SUV39H2: variants seen among roughly 807,000 people sequenced by gnomAD.
SUV39H2 encodes the protein histone-lysine N-methyltransferase SUV39H2.
In SUV39H2, 10 loss-of-function variants were observed where a neutral mutation model predicts 47.5. The observed-to-expected ratio is 0.21, with a 90% CI of 0.13 to 0.36. SUV39H2 has a LOEUF of 0.36. SUV39H2 is among the 10% of genes least tolerant of loss of function. The pLI is 1.00. For missense variants in SUV39H2, 266 were observed against 487.4 expected (o/e 0.55, Z 4.28); for synonymous variants, 159 against 166.8 (o/e 0.95, Z 0.36).
At chr10:14,879,156 C>G (rs957062616) in intron 1 of SUV39H2, 37 of 1,210,392 alleles carry the variant, frequency 3.1e-5, no homozygotes, top group South Asian at 3.7e-5. Flanking sequence ...TGGGGCACTT[C>G]GGAAGTGGAG....
chr10:14,901,097 G>A lies in SUV39H2; in HGVS notation c.997-36G>A, dbSNP rs368018129. Reference sequence around the variant, plus strand: ...GCATGTAGAAGGGCTTGTTTACACCGTTTGTACTTAAATGGGTTCTAATGT... The same window carrying A: ...GCATGTAGAAGGGCTTGTTTACACCATTTGTACTTAAATGGGTTCTAATGT... On this transcript the variant is annotated intron_variant, in intron 4 of 5. Coordinates refer to ENST00000354919, the MANE Select transcript of SUV39H2 (RefSeq NM_001193424.2). The A allele has an allele frequency of 2.2e-5, 35 of 1,609,700 alleles. No individual in the cohort carries two copies. The South Asian group carries it at 2.6e-4, about 12-fold the overall frequency.
rs536191197 is a variant in SUV39H2 at position 14,902,835 on chromosome 10, T to C, written c.*323T>C. ...GTAGTGTTTGAAAGCGTTAAGCTGA[T>C]AATGTAATTAACAACTGCTGAGAGA... is the stretch of plus-strand genomic sequence containing the variant. On this transcript the variant is annotated 3_prime_UTR_variant, in exon 6 of 6. Transcript: ENST00000354919. 1.2e-5 allele frequency: 2 copies of C among 162,644 alleles called. No homozygotes were observed. The highest frequency in any genetic ancestry group is 3.4e-4 in the East Asian group (2 of 5,862). 10.1% of individuals were successfully genotyped at this position (162,644 alleles called of 1,614,324 possible).
intron 2 of SUV39H2, among the ~76,000 whole-genome samples, chr10:14,889,594 TGGCAGTTAA>T (rs965729401): frequency 6.6e-6 from 1 of 152,212 alleles, no homozygotes; most frequent in African/African-American, 2.4e-5. Context: ...CATGGAAGGC[TGGCAGTTAA>T]GGCAGTTAAT....
At chr10:14,900,533 C>T (rs183511819) in intron 4 of SUV39H2, among the ~76,000 whole-genome samples, 15 of 152,170 alleles carry the variant, frequency 9.9e-5, no homozygotes, top group Admixed American at 3.3e-4. Flanking sequence ...ATGATAAATT[C>T]GAGATACTCT....
intron 4 of SUV39H2, 24 bp from the exon 5 acceptor site, chr10:14,901,109 A>G (rs375907585): frequency 6.2e-7 from 1 of 1,612,318 alleles, no homozygotes; most frequent in African/African-American, 1.3e-5. Context: ...TTGTACTTAA[A>G]TGGGTTCTAA....
chr10:14,880,437 C>G (rs144895102), intron 1 of SUV39H2, among the ~76,000 whole-genome samples: 1 of 152,306 alleles, frequency 6.6e-6, no homozygotes, highest in East Asian at 1.9e-4. Flanking sequence ...CTTGAGTTTA[C>G]TGATAGATTT....
chr10:14,879,896 C>T (rs1832992902), intron 1 of SUV39H2: 1 of 148,090 alleles, frequency 6.8e-6, no homozygotes, highest in African/African-American at 2.5e-5. Context: ...TTTTTAACCA[C>T]GTGTTTGCAG....
At chr10:14,884,431 A>G (rs941237890) in intron 2 of SUV39H2, among the ~76,000 whole-genome samples, 3 of 152,206 alleles carry the variant, frequency 2.0e-5, no homozygotes, top group Admixed American at 2.0e-4. Flanking sequence ...GATACTGAGC[A>G]TCTCCTGTGC....
intron 5 of SUV39H2, among the ~76,000 whole-genome samples, chr10:14,901,719 T>G (rs1321778449): frequency 1.3e-5 from 2 of 151,978 alleles, no homozygotes; most frequent in Non-Finnish European, 2.9e-5. Flanking sequence ...TAGTCCCAGC[T>G]ACTCGGGAGG....
Position 14,897,566 on chromosome 10 carries a change from C to G in SUV39H2, c.849+49C>G, listed in dbSNP as rs1047687327. ...AAATGATGGACATGCAAGGTTTATA[C>G]TTTTGGAAAATTACCTTTTTATCTC... On this transcript the variant is annotated intron_variant, in intron 3 of 5. Coordinates refer to ENST00000354919, the MANE Select transcript of SUV39H2 (RefSeq NM_001193424.2). 5 of 1,420,068 alleles carry G rather than the reference C, an allele frequency of 3.5e-6. No homozygotes were observed. The African/African-American group carries it at 7.1e-5, about 20-fold the overall frequency. The allele number at this position is 1,420,068 out of a possible 1,614,324, so 88.0% of individuals were successfully genotyped here. A position where few individuals can be genotyped will look rare whatever the true frequency, so the allele number is the denominator to read the frequency against.
chr10:14,887,901 A>C lies in SUV39H2; in HGVS notation c.177+6256A>C, dbSNP rs116456857. Among the ~76,000 whole-genome samples, 1,243 of 152,298 alleles carry C rather than the reference A, an allele frequency of 8.2e-3. 23 individuals carry two copies. Among genetic ancestry groups the C allele is most frequent in the African/African-American group, 0.028 (1,168 of 41,562 alleles). On this transcript the variant is annotated intron_variant, in intron 2 of 5. Coordinates refer to ENST00000354919, the MANE Select transcript of SUV39H2 (RefSeq NM_001193424.2). ...GTTTCAACTTAGTACTAAAGGAAGA[A>C]AGGGATATGTGGGAGGGATTTCGAG...
intron 2 of SUV39H2, among the ~76,000 whole-genome samples, chr10:14,888,629 G>A (rs1588839281): frequency 1.3e-5 from 2 of 150,626 alleles, no homozygotes; most frequent in East Asian, 1.9e-4. Flanking sequence ...AGCGAGACTC[G>A]GTCTCAAAAA....
rs776401267 is a variant in SUV39H2 at position 14,899,521 on chromosome 10, A to C, written c.850-18A>C. 1.2e-6 allele frequency: 2 copies of C among 1,612,948 alleles called. No individual in the cohort carries two copies. The highest frequency in any genetic ancestry group is 8.5e-7 in the Non-Finnish European group (1 of 1,179,710). ...GGTTCAGTAGCTACGTAATATACTT[A>C]CAGTTTTTTCTGTTTAGGTAATCAC... On this transcript the variant is annotated intron_variant, in intron 3 of 5. Coordinates refer to ENST00000354919, the MANE Select transcript of SUV39H2 (RefSeq NM_001193424.2).
At chr10:14,887,477 C>G (rs986878462) in intron 2 of SUV39H2, among the ~76,000 whole-genome samples, 2 of 152,108 alleles carry the variant, frequency 1.3e-5, no homozygotes, top group African/African-American at 4.8e-5. Context: ...TTCTTGAGTA[C>G]TTTCAAAATG....
intron 3 of SUV39H2, chr10:14,898,322 A>G (rs1400490931): frequency 6.7e-6 from 1 of 149,266 alleles, no homozygotes; most frequent in Non-Finnish European, 1.5e-5. Flanking sequence ...ACCGAGATTC[A>G]AAGCTCTAAA....
chr10:14,890,759 C>A (rs1833362330), intron 2 of SUV39H2, among the ~76,000 whole-genome samples: 2 of 152,136 alleles, frequency 1.3e-5, no homozygotes, highest in Non-Finnish European at 2.9e-5. Context: ...TTTTTTTGTA[C>A]TTTGTCTTCT....
chr10:14,885,626 C>T (rs901832476), intron 2 of SUV39H2, among the ~76,000 whole-genome samples: 3 of 152,166 alleles, frequency 2.0e-5, no homozygotes, highest in African/African-American at 7.2e-5. Context: ...TTTCTTGCTT[C>T]GGAATAAGTG....
chr10:14,899,051 A>G (rs1484718435), intron 3 of SUV39H2: 1 of 586,086 alleles, frequency 1.7e-6, no homozygotes, highest in Non-Finnish European at 3.0e-6. Flanking sequence ...TCATAAATCA[A>G]CCAGTTACAG....
At position 14,901,691 on chromosome 10, in the gene SUV39H2, C is replaced by T. The variant is rs546920423; in HGVS notation, c.1126+429C>T. On this transcript the variant is annotated intron_variant, in intron 5 of 5. Transcript: ENST00000354919. Reference sequence around the variant, plus strand: ...ACAAAATATGAAAAAACTAGCCGGGCGTGGTGGCGTGTGCCTGTAGTCCCA... The same window carrying T: ...ACAAAATATGAAAAAACTAGCCGGGTGTGGTGGCGTGTGCCTGTAGTCCCA... Among the ~76,000 whole-genome samples the T allele has an allele frequency of 4.6e-5, 7 of 151,912 alleles. No homozygotes were observed. The East Asian group carries it at 1.4e-3, about 29-fold the overall frequency.
Sources: allele counts gnomAD v4.1 joint callset (sites outside exome capture counted in the v4.1 genomes callset), GRCh38; gene constraint gnomAD v4.1.1; transcripts MANE v1.5; gene names NCBI Gene and HGNC (gene_info 2026-07-23, HGNC 2026-07-21).